MYO16: variants seen among roughly 807,000 people sequenced by gnomAD.
MYO16 encodes unconventional myosin-XVI.
In MYO16, 94 loss-of-function variants were observed where a neutral mutation model predicts 205.3. The ratio of observed to expected loss-of-function variants is 0.46; its 90% CI spans 0.39 to 0.54. MYO16 has a LOEUF of 0.54. MYO16 is among the 20% of genes least tolerant of loss of function. The pLI, the probability that MYO16 is intolerant of heterozygous loss-of-function variation, is 0.00. For missense variants in MYO16, 2,315 were observed against 2,387.5 expected, an observed-to-expected ratio of 0.97 and a Z score of 0.63; for synonymous variants, 988 against 954.0, an observed-to-expected ratio of 1.04 and a Z score of -0.66.
At chr13:108,699,910 G>A (rs1281304338) in intron 2 of MYO16, among the ~76,000 whole-genome samples, 3 of 152,016 alleles carry the variant, frequency 2.0e-5, no homozygotes, top group African/African-American at 7.2e-5. Flanking sequence ...AAGATAATGG[G>A]GGAGACTGCT....
rs183331827 is a variant in MYO16, at chr13:109,049,166, A to G, written c.2872+2175A>G. Among the ~76,000 whole-genome samples, 279 of 151,120 alleles carry G rather than the reference A, an allele frequency of 1.8e-3. 3 individuals are homozygous for G. The highest frequency in any genetic ancestry group is 3.1e-3 in the Non-Finnish European group (209 of 67,896). ...CTCTTTACAGGTAGAAAGACCTTGT[A>G]CAATGATTGTAGATCCCAGTGAGGG... On this transcript the variant is annotated intron_variant, in intron 24 of 34. Transcript: ENST00000457511.
intron 5 of MYO16, among the ~76,000 whole-genome samples, chr13:108,793,012 A>G (rs886143873): frequency 1.3e-5 from 2 of 152,238 alleles, no homozygotes; most frequent in African/African-American, 4.8e-5. Context: ...GCATCATATC[A>G]TACTTTAGAA....
At chr13:108,661,370 A>G (rs922879490) in intron 1 of MYO16, among the ~76,000 whole-genome samples, 15 of 152,020 alleles carry the variant, frequency 9.9e-5, no homozygotes, top group African/African-American at 3.6e-4. Context: ...ATTCCTCCAT[A>G]TATGTTTTCC....
intron 23 of MYO16, among the ~76,000 whole-genome samples, chr13:109,034,791 G>T (rs747743798): frequency 6.6e-6 from 1 of 152,054 alleles, no homozygotes; most frequent in Non-Finnish European, 1.5e-5. Context: ...CTAAATAGAT[G>T]CCCATTTACT....
chr13:108,879,696 C>A (rs992230876), intron 12 of MYO16, among the ~76,000 whole-genome samples: 3 of 152,112 alleles, frequency 2.0e-5, no homozygotes, highest in African/African-American at 4.8e-5. Flanking sequence ...TGAACTCATC[C>A]TTTTTTATGG....
chr13:108,992,473 G>A (rs375591641), intron 21 of MYO16, 25 bp downstream of exon 21: 104 of 1,428,914 alleles, frequency 7.3e-5, no homozygotes, highest in East Asian at 2.8e-4. Flanking sequence ...TTTTAAAATT[G>A]TGTGAACTTG....
chr13:109,181,227 C>T (rs953414417), intron 34 of MYO16, among the ~76,000 whole-genome samples: 3 of 152,252 alleles, frequency 2.0e-5, no homozygotes, highest in Non-Finnish European at 4.4e-5. Context: ...CAGGAACTGC[C>T]AGTCATCTTG....
At chr13:109,023,476 A>C (rs1281406209) in intron 23 of MYO16, among the ~76,000 whole-genome samples, 1 of 110,010 alleles carries the variant, frequency 9.1e-6, no homozygotes, top group African/African-American at 3.8e-5. Context: ...TTATACAGAT[A>C]TAAATATATA....
chr13:109,197,110 C>A (rs1880193456), intron 34 of MYO16, among the ~76,000 whole-genome samples: 1 of 152,304 alleles, frequency 6.6e-6, no homozygotes, highest in South Asian at 2.1e-4. Context: ...CTGTCCCCCT[C>A]TCCTTCAGCG....
At chr13:108,578,013 A>C in the MYO16 span, among the ~76,000 whole-genome samples, 7 of 152,116 alleles carry the variant, frequency 4.6e-5, no homozygotes. Context: ...GCTCCTCTTT[A>C]TGTTTTGATC....
chr13:109,174,046 G>T (rs907730437), intron 33 of MYO16, among the ~76,000 whole-genome samples: 4 of 151,478 alleles, frequency 2.6e-5, no homozygotes, highest in African/African-American at 4.9e-5. Flanking sequence ...TGCCAGTTTT[G>T]AATTCATTCA....
intron 1 of MYO16, among the ~76,000 whole-genome samples, chr13:108,618,613 TG>T (rs1433675736): frequency 6.6e-6 from 1 of 152,216 alleles, no homozygotes; most frequent in Non-Finnish European, 1.5e-5. Context: ...GTGGCTGATT[TG>T]CTGTGCTGGG....
intron 27 of MYO16, among the ~76,000 whole-genome samples, chr13:109,056,578 G>GA (rs1887424792): frequency 6.6e-6 from 1 of 152,054 alleles, no homozygotes; most frequent in Admixed American, 6.6e-5. Context: ...TCCCAGTTTA[G>GA]ACAGGTAAAT....
At chr13:108,591,701 G>C (rs1206306552), upstream of MYO16, among the ~76,000 whole-genome samples, 2 of 152,238 alleles carry the variant, frequency 1.3e-5, no homozygotes, top group Non-Finnish European at 2.9e-5. Flanking sequence ...TATGTTAACT[G>C]TTTTCTCTCT....
chr13:108,962,707 C>T (rs1883635500), intron 19 of MYO16, among the ~76,000 whole-genome samples: 1 of 152,218 alleles, frequency 6.6e-6, no homozygotes, highest in South Asian at 2.1e-4. Context: ...GTCACCCTTT[C>T]TAGATAATCT....
intron 7 of MYO16, among the ~76,000 whole-genome samples, chr13:108,813,038 A>G (rs1025656591): frequency 3.9e-5 from 6 of 152,198 alleles, no homozygotes; most frequent in Non-Finnish European, 5.9e-5. Context: ...TGACAACTGT[A>G]TAAAAGGAAA....
At chr13:108,882,953 A>G in intron 12 of MYO16, 106 bp from the exon 13 acceptor site, 1 of 1,408,280 alleles carries the variant, frequency 7.1e-7, no homozygotes, top group Non-Finnish European at 9.6e-7. Flanking sequence ...AGAATTAGGG[A>G]TTCATTCACT....
At chr13:108,924,916 G>A (rs1881921347) in intron 16 of MYO16, among the ~76,000 whole-genome samples, 1 of 152,180 alleles carries the variant, frequency 6.6e-6, no homozygotes. Flanking sequence ...CTCTGAATGT[G>A]TCATCTCTTC....
chr13:108,554,736 G>A, the MYO16 span, among the ~76,000 whole-genome samples: 3 of 150,876 alleles, frequency 2.0e-5, no homozygotes, highest in Non-Finnish European at 2.9e-5. Flanking sequence ...TGTAGTCCCA[G>A]CTACTCGGGA....
Sources: allele counts gnomAD v4.1 joint callset (sites outside exome capture counted in the v4.1 genomes callset), GRCh38; gene constraint gnomAD v4.1.1; transcripts MANE v1.5; gene names NCBI Gene and HGNC (gene_info 2026-07-23, HGNC 2026-07-21).